The following RAPGEF5 variants were observed in gnomAD, a reference collection of about 807,000 sequenced individuals.
The protein encoded by RAPGEF5 is M-Ras-regulated GEF.
A neutral mutation model predicts 125.2 loss-of-function variants in RAPGEF5; 65 were observed. The observed-to-expected ratio is 0.52, with a 90% CI of 0.43 to 0.64. The LOEUF (loss-of-function observed/expected upper bound fraction) is 0.64. Ranked by LOEUF, RAPGEF5 falls within the 30% of genes least tolerant of loss-of-function variation. The pLI, the probability that RAPGEF5 is intolerant of heterozygous loss-of-function variation, is 0.00. For missense variants in RAPGEF5, 958 were observed against 1,048.1 expected, an observed-to-expected ratio of 0.91 and a Z score of 1.19; for synonymous variants, 391 against 385.9, an observed-to-expected ratio of 1.01 and a Z score of -0.16.
intron 5 of RAPGEF5, among the ~76,000 whole-genome samples, chr7:22,295,568 A>G (rs1583556750): frequency 6.6e-6 from 1 of 152,340 alleles, no homozygotes; most frequent in East Asian, 1.9e-4. Flanking sequence ...AGCCTTGTCT[A>G]TAAACAATGG....
intron 1 of RAPGEF5, among the ~76,000 whole-genome samples, chr7:22,346,953 TAC>T (rs1456511285): frequency 1.3e-5 from 2 of 152,180 alleles, no homozygotes; most frequent in African/African-American, 2.4e-5. Flanking sequence ...CTATACAAAT[TAC>T]AGTGACTCAA....
intron 6 of RAPGEF5, 145 bp from the exon 7 acceptor site, chr7:22,267,157 G>A: frequency 1.4e-6 from 1 of 705,040 alleles, no homozygotes; most frequent in South Asian, 2.3e-5. Context: ...TTTGATTTTT[G>A]CTTGTTTTTA....
At chr7:22,126,984 T>C (rs1248012120) in intron 24 of RAPGEF5, among the ~76,000 whole-genome samples, 4 of 151,812 alleles carry the variant, frequency 2.6e-5, no homozygotes, top group Non-Finnish European at 5.9e-5. Flanking sequence ...CAGTCTTCAA[T>C]ATTCTAATTT....
At chr7:22,317,587 T>C (rs1783628866) in intron 2 of RAPGEF5, among the ~76,000 whole-genome samples, 1 of 152,168 alleles carries the variant, frequency 6.6e-6, no homozygotes, top group African/African-American at 2.4e-5. Context: ...AACACAATGA[T>C]AAATAACAAG....
intron 9 of RAPGEF5, among the ~76,000 whole-genome samples, chr7:22,205,012 CAA>C (rs1373935342): frequency 6.6e-6 from 1 of 151,382 alleles, no homozygotes; most frequent in Admixed American, 6.6e-5. Context: ...ACTGGGGGAA[CAA>C]AAAAGGAATT....
At chr7:22,139,862 A>G in intron 21 of RAPGEF5, 163 bp downstream of exon 21, 1 of 599,822 alleles carries the variant, frequency 1.7e-6, no homozygotes. Flanking sequence ...TAGTTCAGAC[A>G]CATTATACAA....
chr7:22,257,912 T>C (rs1004412334), intron 7 of RAPGEF5, among the ~76,000 whole-genome samples: 3 of 152,216 alleles, frequency 2.0e-5, no homozygotes, highest in East Asian at 1.9e-4. Flanking sequence ...ACAACTATCA[T>C]TGATATTATT....
intron 9 of RAPGEF5, among the ~76,000 whole-genome samples, chr7:22,201,778 A>G (rs541708451): frequency 6.6e-6 from 1 of 152,326 alleles, no homozygotes; most frequent in East Asian, 1.9e-4. Context: ...ATTTTATTAA[A>G]TATTTTCCAG....
At chr7:22,143,740 G>C (rs1318087947) in intron 20 of RAPGEF5, among the ~76,000 whole-genome samples, 1 of 152,128 alleles carries the variant, frequency 6.6e-6, no homozygotes, top group African/African-American at 2.4e-5. Flanking sequence ...ACACCCTTGG[G>C]GTATGAGCTC....
intron 21 of RAPGEF5, among the ~76,000 whole-genome samples, chr7:22,139,356 C>T (rs1042622418): frequency 2.0e-5 from 3 of 152,116 alleles, no homozygotes; most frequent in Non-Finnish European, 2.9e-5. Flanking sequence ...GCGAAGGAAA[C>T]AAAAGCCCAA....
intron 25 of RAPGEF5, 24 bp from the exon 26 acceptor site, chr7:22,122,545 G>A (rs1562698315): frequency 1.3e-6 from 2 of 1,535,740 alleles, no homozygotes; most frequent in South Asian, 1.1e-5. Flanking sequence ...GGGGAAAAAA[G>A]ACAATCTCAG....
At chr7:22,190,374 A>T (rs1784955010) in intron 11 of RAPGEF5, among the ~76,000 whole-genome samples, 1 of 152,224 alleles carries the variant, frequency 6.6e-6, no homozygotes, top group Non-Finnish European at 1.5e-5. Context: ...AAAGATACGT[A>T]CTTGAGGGAT....
chr7:22,319,637 T>C (rs1192918046), intron 1 of RAPGEF5, among the ~76,000 whole-genome samples: 3 of 152,222 alleles, frequency 2.0e-5, no homozygotes, highest in Non-Finnish European at 4.4e-5. Context: ...CTTATTGATA[T>C]ACTGAACAAT....
At chr7:22,171,382 T>C (rs1188257726) in intron 11 of RAPGEF5, among the ~76,000 whole-genome samples, 1 of 152,254 alleles carries the variant, frequency 6.6e-6, no homozygotes, top group African/African-American at 2.4e-5. Flanking sequence ...AACAAATTCA[T>C]AGTTGCCATA....
At chr7:22,343,978 C>T (rs1227390536) in intron 1 of RAPGEF5, among the ~76,000 whole-genome samples, 2 of 152,134 alleles carry the variant, frequency 1.3e-5, no homozygotes, top group African/African-American at 4.8e-5. Context: ...CATATAACAG[C>T]TTCTCCGATT....
chr7:22,202,895 C>A (rs373428262), intron 9 of RAPGEF5: 4 of 364,878 alleles, frequency 1.1e-5, no homozygotes, highest in East Asian at 8.6e-5. Context: ...GAATACTGGA[C>A]ACAGAGAAAG....
chr7:22,195,515 T>C (rs2128126743), intron 9 of RAPGEF5, among the ~76,000 whole-genome samples: 1 of 152,356 alleles, frequency 6.6e-6, no homozygotes, highest in African/African-American at 2.4e-5. Flanking sequence ...ATGTATTACA[T>C]TTCAGCAAGG....
chr7:22,315,270 A>T (rs971149576), intron 3 of RAPGEF5, 100 bp downstream of exon 3: 11 of 1,376,660 alleles, frequency 8.0e-6, no homozygotes, highest in Non-Finnish European at 1.1e-5. Flanking sequence ...CCTACTACTG[A>T]TATTGTCCAC....
At chr7:22,284,361 A>G (rs1456154145) in intron 6 of RAPGEF5, among the ~76,000 whole-genome samples, 2 of 152,186 alleles carry the variant, frequency 1.3e-5, no homozygotes, top group Non-Finnish European at 2.9e-5. Context: ...GACAGATTGA[A>G]ACACAAGAAG....
Sources: allele counts gnomAD v4.1 joint callset (sites outside exome capture counted in the v4.1 genomes callset), GRCh38; gene constraint gnomAD v4.1.1; transcripts MANE v1.5; gene names NCBI Gene and HGNC (gene_info 2026-07-23, HGNC 2026-07-21).